The following DENND1A variants were observed in gnomAD, a reference collection of about 807,000 sequenced individuals.
The protein encoded by DENND1A is DENN domain containing 1A.
A neutral mutation model predicts 113.7 loss-of-function variants in DENND1A; 51 were observed. The observed-to-expected ratio is 0.45, with a 90% CI of 0.36 to 0.57. DENND1A has a LOEUF of 0.57. DENND1A is among the 20% of genes least tolerant of loss of function. The pLI is 0.00. For synonymous variants in DENND1A, 565 were observed against 570.8 expected (o/e 0.99, Z 0.14); for missense variants, 1,258 against 1,395.9 (o/e 0.90, Z 1.57).
chr9:123,810,010 G>A (rs1454420260), intron 2 of DENND1A, among the ~76,000 whole-genome samples: 3 of 152,146 alleles, frequency 2.0e-5, no homozygotes, highest in African/African-American at 7.2e-5. Context: ...TGTCCTGTCT[G>A]CCTGACTTTG....
chr9:123,874,249 T>C (rs766241579), intron 2 of DENND1A, among the ~76,000 whole-genome samples: 20 of 148,186 alleles, frequency 1.3e-4, no homozygotes, highest in Non-Finnish European at 2.7e-4. Context: ...AATATCTTTG[T>C]AGAGTAGGAA....
chr9:123,928,182 A>C (rs1857418439), intron 1 of DENND1A, among the ~76,000 whole-genome samples: 1 of 152,224 alleles, frequency 6.6e-6, no homozygotes, highest in Admixed American at 6.5e-5. Context: ...ACATTTGAGA[A>C]ATGTATTTGT....
chr9:123,920,261 C>A (rs1428008947), intron 1 of DENND1A, among the ~76,000 whole-genome samples: 1 of 152,036 alleles, frequency 6.6e-6, no homozygotes, highest in Non-Finnish European at 1.5e-5. Flanking sequence ...AGAAATCCGT[C>A]TCTACTAAAA....
intron 5 of DENND1A, among the ~76,000 whole-genome samples, chr9:123,692,361 T>C (rs1438061357): frequency 6.6e-6 from 1 of 152,212 alleles, no homozygotes; most frequent in African/African-American, 2.4e-5. Flanking sequence ...CAATTACTTT[T>C]AAGATTGCGT....
At position 123,794,953 on chromosome 9, in the gene DENND1A, T is replaced by C. The variant is rs189222000; in HGVS notation, c.89-2323A>G. 3.9e-5 allele frequency among the ~76,000 whole-genome samples: 6 copies of C among 152,276 alleles called. No individual in the cohort carries two copies. The East Asian group carries it at 9.7e-4, about 25-fold the overall frequency. Reference sequence around the variant, plus strand: ...TCAATGGAAAGCAATATAAACGCCATCAATTAGATTCCTTCAATTGTCCTA... The same window carrying C: ...TCAATGGAAAGCAATATAAACGCCACCAATTAGATTCCTTCAATTGTCCTA... On this transcript the variant is annotated intron_variant, in intron 2 of 23. Coordinates refer to ENST00000394215, the MANE Select transcript of DENND1A (RefSeq NM_001352964.2).
chr9:123,488,263 C>T (rs374418304), intron 13 of DENND1A, among the ~76,000 whole-genome samples: 2 of 152,206 alleles, frequency 1.3e-5, no homozygotes, highest in Admixed American at 6.5e-5. Context: ...CAGCTGCCTC[C>T]GAGCCTCCCT....
intron 13 of DENND1A, among the ~76,000 whole-genome samples, chr9:123,459,265 T>A (rs1194014911): frequency 6.6e-6 from 1 of 152,134 alleles, no homozygotes; most frequent in Non-Finnish European, 1.5e-5. Flanking sequence ...AGAGCAGGGG[T>A]GCTGGCTGGG....
chr9:123,742,577 C>T (rs1209747865), intron 5 of DENND1A, among the ~76,000 whole-genome samples: 1 of 152,102 alleles, frequency 6.6e-6, no homozygotes, highest in African/African-American at 2.4e-5. Flanking sequence ...TTAGGGTAGA[C>T]GAACAAAAAC....
At chr9:123,664,819 G>T (rs2063416925) in intron 8 of DENND1A, among the ~76,000 whole-genome samples, 1 of 152,036 alleles carries the variant, frequency 6.6e-6, no homozygotes, top group African/African-American at 2.4e-5. Context: ...GAAATTTTTG[G>T]TGTGATTTAG....
intron 23 of DENND1A, among the ~76,000 whole-genome samples, chr9:123,382,960 C>T (rs766806968): frequency 1.1e-4 from 17 of 152,342 alleles, no homozygotes; most frequent in Middle Eastern, 3.4e-3. Context: ...CCTGTAAGCC[C>T]GGGGGCGCGA....
intron 2 of DENND1A, among the ~76,000 whole-genome samples, chr9:123,864,733 AC>A (rs1436424008): frequency 2.6e-5 from 4 of 152,194 alleles, no homozygotes; most frequent in African/African-American, 9.7e-5. Context: ...CATTAAAAAA[AC>A]AATACAGCAA....
chr9:123,759,866 T>A (rs1355478400), intron 4 of DENND1A: 1 of 152,234 alleles, frequency 6.6e-6, no homozygotes, highest in African/African-American at 2.4e-5. Context: ...AGAATTTGCT[T>A]TTTACCTTTA....
chr9:123,649,467 C>T (rs936251925), intron 9 of DENND1A, among the ~76,000 whole-genome samples: 3 of 152,110 alleles, frequency 2.0e-5, no homozygotes, highest in Non-Finnish European at 4.4e-5. Flanking sequence ...TTCATTTCCT[C>T]TTGTTCTAGA....
At chr9:123,796,756 TACACACACACACAC>T (rs370185315) in intron 2 of DENND1A, among the ~76,000 whole-genome samples, 5 of 141,510 alleles carry the variant, frequency 3.5e-5, no homozygotes, top group African/African-American at 1.0e-4. Context: ...TATGTGTACA[TACACACACACACAC>T]ACACACACAC....
intron 10 of DENND1A, among the ~76,000 whole-genome samples, chr9:123,610,570 G>A (rs2060371761): frequency 6.6e-6 from 1 of 152,194 alleles, no homozygotes; most frequent in Non-Finnish European, 1.5e-5. Context: ...GGAGGTCAAG[G>A]GATAGCGAGG....
intron 4 of DENND1A, among the ~76,000 whole-genome samples, chr9:123,766,138 G>A: frequency 6.6e-6 from 1 of 152,178 alleles, no homozygotes; most frequent in Non-Finnish European, 1.5e-5. Flanking sequence ...CTCACTCGGG[G>A]CTTCTCCTCT....
chr9:123,928,751 T>C (rs894917378), intron 1 of DENND1A: 6 of 985,284 alleles, frequency 6.1e-6, no homozygotes, highest in Non-Finnish European at 7.2e-6. Context: ...TGAGATGCAA[T>C]GTTTGAATAA....
chr9:123,734,652 G>T (rs368910883), intron 5 of DENND1A, among the ~76,000 whole-genome samples: 4 of 152,102 alleles, frequency 2.6e-5, no homozygotes, highest in African/African-American at 9.7e-5. Context: ...ATTCTCTAAG[G>T]TTCCTTTTCC....
intron 2 of DENND1A, among the ~76,000 whole-genome samples, chr9:123,802,974 T>C (rs1246529032): frequency 2.0e-5 from 3 of 152,354 alleles, no homozygotes; most frequent in East Asian, 3.9e-4. Flanking sequence ...AGTGCTGGGA[T>C]TATAGGCGTG....
Sources: allele counts gnomAD v4.1 joint callset (sites outside exome capture counted in the v4.1 genomes callset), GRCh38; gene constraint gnomAD v4.1.1; transcripts MANE v1.5; gene names NCBI Gene and HGNC (gene_info 2026-07-23, HGNC 2026-07-21).